POC1A: variants seen among roughly 807,000 people sequenced by gnomAD.
POC1A encodes POC1 centriolar protein A.
Under a neutral mutation model 47.8 loss-of-function variants are expected in POC1A, and 34 were observed. That is an observed-to-expected ratio of 0.71 (90% CI 0.54 to 0.95). The LOEUF (loss-of-function observed/expected upper bound fraction) is 0.95. Among genes scored for constraint, POC1A ranks in the 40% least tolerant of loss-of-function variants. The pLI is 0.00. For synonymous variants in POC1A, 177 were observed against 207.6 expected (o/e 0.85, Z 1.27); for missense variants, 466 against 528.3 (o/e 0.88, Z 1.16).
intron 10 of POC1A, among the ~76,000 whole-genome samples, chr3:52,087,486 T>C (rs982025172): frequency 6.6e-6 from 1 of 152,134 alleles, no homozygotes; most frequent in Non-Finnish European, 1.5e-5. Flanking sequence ...TGGTCCGCGG[T>C]TGTTTCACAT....
chr3:52,106,152 G>A (rs1005659032), intron 9 of POC1A, among the ~76,000 whole-genome samples: 6 of 139,282 alleles, frequency 4.3e-5, no homozygotes, highest in African/African-American at 1.4e-4. Context: ...CCGAGATCGC[G>A]CCACTGTGAC....
intron 6 of POC1A, among the ~76,000 whole-genome samples, chr3:52,139,399 G>A (rs913453580): frequency 2.0e-5 from 3 of 151,954 alleles, no homozygotes; most frequent in African/African-American, 7.3e-5. Flanking sequence ...ATCTTTTCTG[G>A]TGTCCCTCAC....
chr3:52,136,606 C>T (rs1704477714), intron 7 of POC1A, among the ~76,000 whole-genome samples: 1 of 152,170 alleles, frequency 6.6e-6, no homozygotes, highest in African/African-American at 2.4e-5. Flanking sequence ...GCATTGTGAG[C>T]CTGGTGCCCT....
intron 6 of POC1A, among the ~76,000 whole-genome samples, chr3:52,139,469 C>G (rs1352002240): frequency 6.6e-6 from 1 of 152,144 alleles, no homozygotes; most frequent in East Asian, 1.9e-4. Flanking sequence ...CTTTTTTACC[C>G]CTTGTTTCCA....
At chr3:52,112,421 C>G (rs1247824838) in intron 9 of POC1A, among the ~76,000 whole-genome samples, 2 of 152,156 alleles carry the variant, frequency 1.3e-5, no homozygotes, top group African/African-American at 4.8e-5. Flanking sequence ...GGGTGGATCA[C>G]CTGAAGTCAG....
chr3:52,094,447 C>T (rs1237925748), intron 10 of POC1A, among the ~76,000 whole-genome samples: 1 of 152,230 alleles, frequency 6.6e-6, no homozygotes, highest in Non-Finnish European at 1.5e-5. Flanking sequence ...AACTTTCAAC[C>T]CCCTGGTGGA....
intron 9 of POC1A, among the ~76,000 whole-genome samples, chr3:52,118,127 C>T (rs1703640824): frequency 6.6e-6 from 1 of 152,206 alleles, no homozygotes. Flanking sequence ...CCTCAAGCCC[C>T]TCTGGGAGGT....
Position 52,125,180 on chromosome 3 carries a change from C to G in POC1A, c.815G>C (p.Gly272Ala), listed in dbSNP as rs752759981. 1.2e-6 allele frequency: 2 copies of G among 1,613,210 alleles called. No individual in the cohort carries two copies. The highest frequency in any genetic ancestry group is 1.7e-5 in the Admixed American group (1 of 59,904). The change falls in exon 8 of 11, where the codon GGA becomes GCA. Residue 272 changes from glycine (G) to alanine (A), a missense_variant and splice_region_variant. Gly to Ala is a moderately conservative substitution (Grantham distance 60). Transcript: ENST00000296484. The stretch of plus-strand genomic sequence containing the variant: ...TGAAAAGGCAACAGTGGTGGCTGGT[C>G]CCTGGCAGAACAAACAAAAAATAAC... Reference protein sequence around the residue: ...RLLYTLHGHQGPATTVAFSRT... With the variant: ...RLLYTLHGHQAPATTVAFSRT...
At chr3:52,076,762 C>A (rs1702127022) in intron 10 of POC1A, among the ~76,000 whole-genome samples, 1 of 152,278 alleles carries the variant, frequency 6.6e-6, no homozygotes, top group Non-Finnish European at 1.5e-5. Context: ...GATCATGCTG[C>A]CTTCCTGAAG....
intron 9 of POC1A, among the ~76,000 whole-genome samples, chr3:52,109,072 C>T (rs938693105): frequency 2.0e-5 from 3 of 152,166 alleles, no homozygotes; most frequent in Non-Finnish European, 2.9e-5. Flanking sequence ...AGGCCAAAGC[C>T]CCCTCAGCTA....
intron 9 of POC1A, among the ~76,000 whole-genome samples, chr3:52,098,805 T>G (rs942323709): frequency 3.9e-5 from 6 of 152,246 alleles, no homozygotes; most frequent in African/African-American, 1.4e-4. Flanking sequence ...ATCCACTGTG[T>G]GCCCTCATTT....
intron 9 of POC1A, among the ~76,000 whole-genome samples, chr3:52,111,376 G>A (rs368987617): frequency 1.3e-5 from 2 of 152,132 alleles, no homozygotes; most frequent in East Asian, 3.9e-4. Flanking sequence ...GCCGGGCACG[G>A]TGGCTCATGC....
intron 10 of POC1A, among the ~76,000 whole-genome samples, chr3:52,077,190 G>A (rs923877851): frequency 3.3e-5 from 5 of 152,200 alleles, no homozygotes; most frequent in African/African-American, 9.6e-5. Flanking sequence ...CCTTGACTCC[G>A]GTACTGTGCA....
chr3:52,115,857 G>A (rs1205335665), intron 9 of POC1A, among the ~76,000 whole-genome samples: 2 of 152,040 alleles, frequency 1.3e-5, no homozygotes, highest in Non-Finnish European at 2.9e-5. Context: ...TTTTGTTATA[G>A]CATCCTGAGC....
chr3:52,078,995 C>T (rs914021621), intron 10 of POC1A, among the ~76,000 whole-genome samples: 1 of 152,188 alleles, frequency 6.6e-6, no homozygotes, highest in African/African-American at 2.4e-5. Context: ...CCCAGAGCAG[C>T]CAGGACAGGC....
chr3:52,131,720 C>G (rs1704220416), intron 7 of POC1A, among the ~76,000 whole-genome samples: 1 of 152,196 alleles, frequency 6.6e-6, no homozygotes, highest in Non-Finnish European at 1.5e-5. Context: ...AGCCCCCAAC[C>G]AGGGGACAGA....
chr3:52,140,699 G>A (rs774382699), intron 6 of POC1A, among the ~76,000 whole-genome samples: 164 of 152,294 alleles, frequency 1.1e-3, no homozygotes, highest in Admixed American at 2.0e-3. Context: ...CAGGCTTTGG[G>A]GGATACCCCA....
intron 7 of POC1A, among the ~76,000 whole-genome samples, chr3:52,134,544 A>G (rs989075294): frequency 2.0e-5 from 3 of 152,172 alleles, no homozygotes; most frequent in African/African-American, 7.2e-5. Flanking sequence ...AGGCAGGAGA[A>G]TCGCTTGAAC....
intron 7 of POC1A, among the ~76,000 whole-genome samples, chr3:52,128,586 C>A (rs959037728): frequency 6.6e-6 from 1 of 152,204 alleles, no homozygotes; most frequent in Non-Finnish European, 1.5e-5. Context: ...CACCTGGGCT[C>A]TGCTGTGGGC....
Sources: gnomAD v4.1 joint callset for allele counts (sites outside exome capture counted in the v4.1 genomes callset) on GRCh38, gnomAD v4.1.1 for gene constraint, MANE v1.5 for transcripts, NCBI Gene and HGNC (gene_info 2026-07-23, HGNC 2026-07-21) for gene names.